The following MTFR1 variants were observed in gnomAD, a reference collection of about 807,000 sequenced individuals.
MTFR1 encodes the protein mitochondrial fission regulator 1, also known as chondrocyte protein with a poly-proline region.
A neutral mutation model predicts 38.8 loss-of-function variants in MTFR1; 28 were observed. The ratio of observed to expected loss-of-function variants is 0.72; its 90% CI spans 0.53 to 0.99. MTFR1 has a LOEUF of 0.99. Ranked by LOEUF, MTFR1 falls within the 50% of genes least tolerant of loss-of-function variation. The pLI, the probability that MTFR1 is intolerant of heterozygous loss-of-function variation, is 0.00. For missense variants in MTFR1, 358 were observed against 395.5 expected, an observed-to-expected ratio of 0.91 and a Z score of 0.81; for synonymous variants, 145 against 137.0, an observed-to-expected ratio of 1.06 and a Z score of -0.41.
intron 4 of MTFR1, among the ~76,000 whole-genome samples, chr8:65,695,705 A>G (rs536650862): frequency 4.6e-5 from 7 of 152,168 alleles, no homozygotes; most frequent in Non-Finnish European, 7.4e-5. Context: ...TGGGGGTAAT[A>G]AGAGAGGGTA....
intron 2 of MTFR1, among the ~76,000 whole-genome samples, chr8:65,715,792 T>C (rs1806109817): frequency 1.3e-5 from 2 of 149,128 alleles, no homozygotes; most frequent in South Asian, 4.3e-4. Context: ...GAGACCATCC[T>C]GGCTAACATG....
chr8:65,670,107 C>A, intron 2 of MTFR1, 89 bp downstream of exon 2: 5 of 1,090,204 alleles, frequency 4.6e-6, no homozygotes, highest in South Asian at 1.5e-5. Flanking sequence ...TATATATGAC[C>A]AACATCTTGA....
intron 3 of MTFR1, among the ~76,000 whole-genome samples, chr8:65,769,247 CAA>C (rs61554087): frequency 0.02 from 1,464 of 74,418 alleles, 7 homozygotes; most frequent in Middle Eastern, 0.024. Context: ...GACTCAGTCT[CAA>C]AAAAAAAAAA....
At chr8:65,658,419 A>G (rs762889748) in intron 1 of MTFR1, among the ~76,000 whole-genome samples, 22 of 152,234 alleles carry the variant, frequency 1.4e-4, no homozygotes, top group Non-Finnish European at 2.6e-4. Flanking sequence ...ATACTATTAT[A>G]TATTTTCACA....
At chr8:65,754,919 C>T (rs1343212327) in intron 3 of MTFR1, among the ~76,000 whole-genome samples, 3 of 149,834 alleles carry the variant, frequency 2.0e-5, no homozygotes, top group Non-Finnish European at 4.4e-5. Context: ...GAGCCGAGAT[C>T]GCGCCACTGC....
intron 3 of MTFR1, among the ~76,000 whole-genome samples, chr8:65,733,416 TCAAA>T (rs769968306): frequency 2.6e-5 from 4 of 152,214 alleles, no homozygotes; most frequent in Non-Finnish European, 5.9e-5. Context: ...CACAACATTC[TCAAA>T]CAGAGGATGC....
chr8:65,745,135 C>T (rs527615728), intron 3 of MTFR1, among the ~76,000 whole-genome samples: 1 of 152,306 alleles, frequency 6.6e-6, no homozygotes, highest in East Asian at 1.9e-4. Context: ...TTCTCTCTTG[C>T]CTGCCAACAT....
intron 1 of MTFR1, among the ~76,000 whole-genome samples, chr8:65,662,744 G>C (rs1227968601): frequency 7.3e-6 from 1 of 136,350 alleles, no homozygotes; most frequent in Non-Finnish European, 1.7e-5. Context: ...CCCTCCGCCC[G>C]GCAGCCACCC....
intron 2 of MTFR1, among the ~76,000 whole-genome samples, chr8:65,678,762 A>T (rs745827360): frequency 6.6e-6 from 1 of 152,056 alleles, no homozygotes; most frequent in Non-Finnish European, 1.5e-5. Flanking sequence ...TTAGCTGGGC[A>T]TGGTGGCACC....
At chr8:65,718,611 G>A (rs1806240834) in intron 2 of MTFR1, 1 of 152,356 alleles carries the variant, frequency 6.6e-6, no homozygotes, top group Non-Finnish European at 1.5e-5. Context: ...TGGAGTGAAA[G>A]CTTGGCGGTA....
intron 3 of MTFR1, among the ~76,000 whole-genome samples, chr8:65,729,479 A>C (rs1204708431): frequency 6.6e-6 from 1 of 150,814 alleles, no homozygotes; most frequent in Non-Finnish European, 1.5e-5. Context: ...AGGAGGTGGC[A>C]CTATCATGGA....
At chr8:65,666,222 C>T (rs191755463) in intron 1 of MTFR1, among the ~76,000 whole-genome samples, 10 of 152,310 alleles carry the variant, frequency 6.6e-5, no homozygotes, top group Admixed American at 5.2e-4. Context: ...GCCTGGCCAA[C>T]ATGGTGAAAC....
At chr8:65,757,478 G>GT (rs1243071691) in intron 3 of MTFR1, among the ~76,000 whole-genome samples, 22 of 152,152 alleles carry the variant, frequency 1.4e-4, no homozygotes, top group South Asian at 4.1e-4. Flanking sequence ...GGTTTGTAGG[G>GT]TTTTTTTAGA....
At chr8:65,677,068 CTTTTTTTTTTTTTT>C (rs1166560010) in intron 2 of MTFR1, among the ~76,000 whole-genome samples, 4 of 100,108 alleles carry the variant, frequency 4.0e-5, no homozygotes, top group African/African-American at 1.4e-4. Context: ...CTATTTCTCT[CTTTTTTTTTTTTTT>C]TTTTTTTTTG....
chr8:65,733,529 C>T (rs915892877), intron 3 of MTFR1, among the ~76,000 whole-genome samples: 1 of 152,016 alleles, frequency 6.6e-6, no homozygotes. Flanking sequence ...AATTAGCTGG[C>T]CTCCAGCTTG....
chr8:65,772,432 G>A (rs1809128879), downstream of MTFR1, among the ~76,000 whole-genome samples: 1 of 152,190 alleles, frequency 6.6e-6, no homozygotes, highest in Non-Finnish European at 1.5e-5. Context: ...TTTAGTGTTT[G>A]TATCTTTGCC....
chr8:65,678,833 C>T (rs780239332), intron 2 of MTFR1, among the ~76,000 whole-genome samples: 3 of 151,750 alleles, frequency 2.0e-5, no homozygotes, highest in Non-Finnish European at 4.4e-5. Flanking sequence ...TTCAGTGAGC[C>T]GAGATCGCAC....
chr8:65,734,846 A>T, intron 3 of MTFR1: 1 of 1,612,856 alleles, frequency 6.2e-7, no homozygotes, highest in Non-Finnish European at 8.5e-7. Context: ...CGCAGCGTGG[A>T]CTGCGTTATG....
At chr8:65,775,335 T>C (rs1455580176), downstream of MTFR1, among the ~76,000 whole-genome samples, 1 of 152,236 alleles carries the variant, frequency 6.6e-6, no homozygotes, top group Non-Finnish European at 1.5e-5. Flanking sequence ...TGATATTATT[T>C]TTCTAATTTC....
Sources: allele counts gnomAD v4.1 joint callset (sites outside exome capture counted in the v4.1 genomes callset), GRCh38; gene constraint gnomAD v4.1.1; transcripts MANE v1.5; gene names NCBI Gene and HGNC (gene_info 2026-07-23, HGNC 2026-07-21).